The following TBC1D15 variants were observed in gnomAD, a reference collection of about 807,000 sequenced individuals.
TBC1D15 encodes TBC1 domain family member 15.
Under a neutral mutation model 95.4 loss-of-function variants are expected in TBC1D15, and 39 were observed. The ratio of observed to expected loss-of-function variants is 0.41; its 90% CI spans 0.32 to 0.53. The LOEUF is 0.53. TBC1D15 is among the 20% of genes least tolerant of loss of function. The pLI is 0.29. For missense variants in TBC1D15, 733 were observed against 794.3 expected, an observed-to-expected ratio of 0.92 and a Z score of 0.93; for synonymous variants, 258 against 261.3, an observed-to-expected ratio of 0.99 and a Z score of 0.12.
chr12:71,856,280 T>G lies in TBC1D15; in HGVS notation c.31-15790T>G, dbSNP rs182813342. 2.0e-5 allele frequency among the ~76,000 whole-genome samples: 3 copies of G among 152,294 alleles called. No individual in the cohort carries two copies. In the East Asian group the frequency reaches 5.8e-4, roughly 29 times the overall value. The stretch of plus-strand genomic sequence containing the variant: ...GGTCTTATATAGACTTTTAGTAATA[T>G]CTCAGATATGGTCTGGGAAACTGAT... On this transcript the variant is annotated intron_variant, in intron 1 of 16. Transcript: ENST00000485960.
chr12:71,885,513 C>T (rs757834240), intron 5 of TBC1D15, among the ~76,000 whole-genome samples: 3 of 152,192 alleles, frequency 2.0e-5, no homozygotes, highest in Non-Finnish European at 4.4e-5. Context: ...TGCTTCCTCA[C>T]TGTTACTCTC....
chr12:71,840,007 A>G (rs553035663), intron 1 of TBC1D15, among the ~76,000 whole-genome samples, 196 bp downstream of exon 1: 6 of 152,296 alleles, frequency 3.9e-5, no homozygotes, highest in Admixed American at 6.5e-5. Context: ...AGAGCCGGCT[A>G]CTGCTCCAAG....
intron 1 of TBC1D15, among the ~76,000 whole-genome samples, chr12:71,840,462 C>T (rs1328953758): frequency 1.3e-5 from 2 of 152,146 alleles, no homozygotes; most frequent in Non-Finnish European, 2.9e-5. Context: ...GAGTATTGGT[C>T]ATGCTGGTTT....
At chr12:71,881,746 T>C (rs778597250) in intron 4 of TBC1D15, among the ~76,000 whole-genome samples, 5 of 151,686 alleles carry the variant, frequency 3.3e-5, no homozygotes, top group African/African-American at 4.8e-5. Context: ...TGAAACCCTG[T>C]CTCTACTAAA....
At chr12:71,857,471 T>C (rs147788251) in intron 1 of TBC1D15, among the ~76,000 whole-genome samples, 14 of 152,324 alleles carry the variant, frequency 9.2e-5, no homozygotes, top group African/African-American at 2.6e-4. Context: ...TATGGCAGGA[T>C]GATACTACTC....
intron 1 of TBC1D15, among the ~76,000 whole-genome samples, chr12:71,843,311 G>A (rs1565930166): frequency 2.7e-5 from 4 of 150,566 alleles, no homozygotes; most frequent in African/African-American, 7.3e-5. Flanking sequence ...GAAATCAGCT[G>A]TTTTTTTTTC....
At position 71,896,686 on chromosome 12, in the gene TBC1D15, C is replaced by A. The variant is rs771122616; in HGVS notation, c.994C>A (p.His332Asn). Residue 332 changes from histidine to asparagine, a missense_variant, in exon 9 of 17, where the codon CAT (histidine) becomes AAT (asparagine). Transcript: ENST00000485960. ...TGTATGCTTTCTTCAGGGACTTAGT[C>A]ATGCATTGAGAAAGCAAGCATGGAA... ...KQMIFRGGLSHALRKQAWKFL... is the reference protein window; with the variant it reads ...KQMIFRGGLSNALRKQAWKFL... The A allele has an allele frequency of 8.1e-6, 13 of 1,611,922 alleles. No homozygotes were observed. In the Admixed American group the frequency reaches 1.3e-4, roughly 17 times the overall value.
At chr12:71,922,154 G>A (rs1042826821) in intron 16 of TBC1D15, among the ~76,000 whole-genome samples, 7 of 151,904 alleles carry the variant, frequency 4.6e-5, no homozygotes, top group Non-Finnish European at 1.0e-4. Context: ...GCGTGACCTC[G>A]GCTCACTGCA....
At chr12:71,850,289 T>G (rs559138684) in intron 1 of TBC1D15, 18 of 500,486 alleles carry the variant, frequency 3.6e-5, no homozygotes, top group Admixed American at 9.5e-5. Context: ...TGGTAAATAC[T>G]GGGGCTATAC....
intron 1 of TBC1D15, among the ~76,000 whole-genome samples, chr12:71,862,672 C>T (rs956730072): frequency 6.6e-6 from 1 of 152,122 alleles, no homozygotes; most frequent in Non-Finnish European, 1.5e-5. Flanking sequence ...ATTTATTCCT[C>T]TCATTTCGTT....
chr12:71,847,614 G>A (rs1446687636), intron 1 of TBC1D15, among the ~76,000 whole-genome samples: 1 of 151,840 alleles, frequency 6.6e-6, no homozygotes, highest in Non-Finnish European at 1.5e-5. Context: ...AGAATTGCTT[G>A]AACATGGGAG....
intron 1 of TBC1D15, among the ~76,000 whole-genome samples, chr12:71,870,190 A>T (rs1056686120): frequency 3.9e-5 from 6 of 152,140 alleles, no homozygotes; most frequent in Non-Finnish European, 8.8e-5. Context: ...CCCAGGATAT[A>T]TTTGATAATT....
At chr12:71,846,256 A>G (rs1315949905) in intron 1 of TBC1D15, among the ~76,000 whole-genome samples, 3 of 152,238 alleles carry the variant, frequency 2.0e-5, no homozygotes, top group African/African-American at 2.4e-5. Context: ...TGGAAGTTTT[A>G]TAAATGTACT....
chr12:71,898,076 T>A, intron 10 of TBC1D15, 135 bp downstream of exon 10: 1 of 596,118 alleles, frequency 1.7e-6, no homozygotes, highest in East Asian at 2.8e-5. Flanking sequence ...TACATTGCAG[T>A]GTGTGTTTAA....
chr12:71,920,699 A>G, intron 14 of TBC1D15, 32 bp from the exon 15 acceptor site: 2 of 1,499,322 alleles, frequency 1.3e-6, no homozygotes, highest in Non-Finnish European at 1.9e-6. Context: ...GAATTGATAC[A>G]ATTTGCAAAA....
intron 11 of TBC1D15, chr12:71,907,405 T>G (rs1900997848): frequency 4.5e-6 from 1 of 222,624 alleles, no homozygotes; most frequent in African/African-American, 2.3e-5. Context: ...AACTACTAGC[T>G]GAAATAGCTA....
chr12:71,863,377 C>CA (rs905952253), intron 1 of TBC1D15, among the ~76,000 whole-genome samples: 54 of 149,982 alleles, frequency 3.6e-4, no homozygotes, highest in African/African-American at 9.9e-4. Flanking sequence ...GACTCTGTCT[C>CA]AAAAAAAAGA....
chr12:71,876,646 G>A (rs1344690000), intron 3 of TBC1D15, among the ~76,000 whole-genome samples: 1 of 152,008 alleles, frequency 6.6e-6, no homozygotes, highest in African/African-American at 2.4e-5. Flanking sequence ...CAGCTCCAGG[G>A]CTTCCTGAGA....
rs1895982088 is a variant in TBC1D15 at position 71,885,104 on chromosome 12, C to T, written c.554+83C>T. 48 of 1,328,912 alleles carry T rather than the reference C, an allele frequency of 3.6e-5. No homozygotes were observed. The South Asian group carries it at 6.0e-4, about 17-fold the overall frequency. 82.3% of individuals were successfully genotyped at this position (1,328,912 alleles called of 1,614,324 possible). Reference sequence around the variant, plus strand: ...CAAACTATTTTTACTTGACCTTGGGCATCAGTGACCTATTTGCATATGAGG... The same window carrying T: ...CAAACTATTTTTACTTGACCTTGGGTATCAGTGACCTATTTGCATATGAGG... On this transcript the variant is annotated intron_variant, in intron 5 of 16. Coordinates refer to ENST00000485960, the MANE Select transcript of TBC1D15 (RefSeq NM_001146213.3).
Sources: allele counts gnomAD v4.1 joint callset (sites outside exome capture counted in the v4.1 genomes callset), GRCh38; gene constraint gnomAD v4.1.1; transcripts MANE v1.5; gene names NCBI Gene and HGNC (gene_info 2026-07-23, HGNC 2026-07-21).